EIF2B3: variants seen among roughly 807,000 people sequenced by gnomAD.
EIF2B3 encodes eukaryotic translation initiation factor 2B subunit gamma.
Under a neutral mutation model 54.1 loss-of-function variants are expected in EIF2B3, and 20 were observed. That is an observed-to-expected ratio of 0.37 (90% CI 0.26 to 0.54). The LOEUF (loss-of-function observed/expected upper bound fraction) is 0.54, where lower values mean the gene tolerates loss of function less well. EIF2B3 is among the 20% of genes least tolerant of loss of function. The pLI, the probability that EIF2B3 is intolerant of heterozygous loss-of-function variation, is 0.86. For missense variants in EIF2B3, 448 were observed against 547.8 expected (o/e 0.82, Z 1.82); for synonymous variants, 153 against 188.1 (o/e 0.81, Z 1.52).
intron 4 of EIF2B3, among the ~76,000 whole-genome samples, chr1:44,937,672 A>C (rs1246431466): frequency 6.6e-6 from 1 of 151,916 alleles, no homozygotes; most frequent in Non-Finnish European, 1.5e-5. Context: ...TCACGAGGTC[A>C]GGAGATCGAG....
chr1:44,866,202 G>A (rs530319578), intron 10 of EIF2B3, among the ~76,000 whole-genome samples: 14 of 152,134 alleles, frequency 9.2e-5, no homozygotes, highest in African/African-American at 2.9e-4. Flanking sequence ...TTTGAGACCA[G>A]CCTGGCCAGC....
chr1:44,958,056 A>G (rs1051906840), intron 3 of EIF2B3, among the ~76,000 whole-genome samples: 4 of 152,174 alleles, frequency 2.6e-5, no homozygotes, highest in African/African-American at 7.2e-5. Context: ...AAACCCAACC[A>G]TAGGAGTTGG....
intron 10 of EIF2B3, 112 bp from the exon 11 acceptor site, chr1:44,857,919 G>T: frequency 1.0e-6 from 1 of 964,542 alleles, no homozygotes; most frequent in Non-Finnish European, 1.7e-6. Flanking sequence ...GGGCAGTCCA[G>T]TTAATGGCTA....
intron 10 of EIF2B3, chr1:44,863,188 G>A (rs943399249): frequency 6.6e-6 from 1 of 152,166 alleles, no homozygotes; most frequent in Admixed American, 6.5e-5. Context: ...GAATGAAACT[G>A]AAGATATGTG....
intron 3 of EIF2B3, among the ~76,000 whole-genome samples, chr1:44,972,931 C>T (rs537341451): frequency 1.3e-5 from 2 of 152,282 alleles, no homozygotes; most frequent in East Asian, 3.9e-4. Context: ...GTTCCAGCTA[C>T]TCAGGAGGCT....
At chr1:44,871,931 C>T (rs1181780887) in intron 10 of EIF2B3, among the ~76,000 whole-genome samples, 2 of 142,726 alleles carry the variant, frequency 1.4e-5, no homozygotes, top group African/African-American at 5.3e-5. Flanking sequence ...GGCTGGAGTG[C>T]AGTGGCATGA....
chr1:44,883,523 G>C lies in EIF2B3; in HGVS notation c.657-1784C>G, dbSNP rs985228948. ...CACTGGGACCAGTGACCCCTCTGTGGCCCCCATCCAAAACTGGGCTCAGCA... is the reference window on the plus strand; with the variant it reads ...CACTGGGACCAGTGACCCCTCTGTGCCCCCCATCCAAAACTGGGCTCAGCA... On this transcript the variant is annotated intron_variant, in intron 6 of 11. Transcript: ENST00000360403. Among the ~76,000 whole-genome samples, 9 of 151,952 alleles carry C rather than the reference G, an allele frequency of 5.9e-5. No individual in the cohort carries two copies. The East Asian group carries it at 1.7e-3, about 29-fold the overall frequency.
chr1:44,881,527 C>T lies in EIF2B3; in HGVS notation c.784+85G>A. ...TAGTCTGCTGCCTTGAGTCAGGCAT[C>T]TTGGGCTGGGCTAAGCTGCCCAACC... is the stretch of plus-strand genomic sequence containing the variant. On this transcript the variant is annotated intron_variant, in intron 7 of 11. Transcript: ENST00000360403. The surrounding 1 kb of genome is among the most constrained non-coding windows in gnomAD (Gnocchi z 4.0). 1 of 1,568,204 alleles carries T rather than the reference C, an allele frequency of 6.4e-7. No homozygotes were observed. Among genetic ancestry groups the T allele is most frequent in the Non-Finnish European group, 8.7e-7 (1 of 1,144,706 alleles).
chr1:44,865,645 G>A (rs558859255), intron 10 of EIF2B3, among the ~76,000 whole-genome samples: 10 of 151,590 alleles, frequency 6.6e-5, no homozygotes, highest in South Asian at 2.1e-4. Flanking sequence ...GCAATGGCGC[G>A]AACTGGGCTC....
At chr1:44,884,874 T>G (rs1655524683) in intron 6 of EIF2B3, among the ~76,000 whole-genome samples, 1 of 152,158 alleles carries the variant, frequency 6.6e-6, no homozygotes, top group African/African-American at 2.4e-5. Flanking sequence ...GGATCCATGA[T>G]TTGAAGAGAG....
chr1:44,954,551 T>C (rs1644202187), intron 3 of EIF2B3, among the ~76,000 whole-genome samples: 1 of 152,230 alleles, frequency 6.6e-6, no homozygotes, highest in African/African-American at 2.4e-5. Context: ...ATAGGAATGC[T>C]TGTGATTTTT....
Position 44,874,667 on chromosome 1 carries a change from G to C in EIF2B3, c.1202+11C>G. The C allele has an allele frequency of 6.2e-7, 1 of 1,614,032 alleles. No individual in the cohort carries two copies. The highest frequency in any genetic ancestry group is 8.5e-7 in the Non-Finnish European group (1 of 1,179,952). Reference sequence around the variant, plus strand: ...TATCTTTGCCTCAAGTGGGTACAGGGGGAAACATACCCTTCCTCCACAGTG... The same window carrying C: ...TATCTTTGCCTCAAGTGGGTACAGGCGGAAACATACCCTTCCTCCACAGTG... On this transcript the variant is annotated intron_variant, in intron 10 of 11. Transcript: ENST00000360403.
intron 11 of EIF2B3, among the ~76,000 whole-genome samples, chr1:44,852,675 AG>A (rs1654311289): frequency 6.6e-6 from 1 of 150,674 alleles, no homozygotes; most frequent in African/African-American, 2.4e-5. Flanking sequence ...GCTACTCGGG[AG>A]GCTGAGGCAG....
At chr1:44,924,134 GT>G in intron 5 of EIF2B3, among the ~76,000 whole-genome samples, 1 of 151,828 alleles carries the variant, frequency 6.6e-6, no homozygotes, top group Non-Finnish European at 1.5e-5. Flanking sequence ...TAGAGACAGG[GT>G]TTCACCGTGT....
At chr1:44,901,571 T>C (rs1643306078) in intron 5 of EIF2B3, among the ~76,000 whole-genome samples, 1 of 147,958 alleles carries the variant, frequency 6.8e-6, no homozygotes, top group South Asian at 2.2e-4. Flanking sequence ...TTTTTTTTTT[T>C]TTCTTGAGAC....
intron 3 of EIF2B3, among the ~76,000 whole-genome samples, chr1:44,950,823 G>A (rs988111035): frequency 3.3e-5 from 5 of 152,212 alleles, no homozygotes; most frequent in Middle Eastern, 3.4e-3. Flanking sequence ...AGAGTAGCTA[G>A]GATTACAGGC....
At chr1:44,870,272 T>G (rs1654926189) in intron 10 of EIF2B3, among the ~76,000 whole-genome samples, 1 of 152,132 alleles carries the variant, frequency 6.6e-6, no homozygotes, top group African/African-American at 2.4e-5. Flanking sequence ...CCTCTTTTCC[T>G]AAGCTCTAAC....
At chr1:44,926,999 G>A (rs1643861975) in intron 4 of EIF2B3, among the ~76,000 whole-genome samples, 1 of 150,440 alleles carries the variant, frequency 6.6e-6, no homozygotes, top group Non-Finnish European at 1.5e-5. Context: ...GCCGAGTGTG[G>A]TGTTACGCCC....
intron 6 of EIF2B3, among the ~76,000 whole-genome samples, chr1:44,883,325 T>G (rs957590471): frequency 6.6e-6 from 1 of 152,070 alleles, no homozygotes; most frequent in Non-Finnish European, 1.5e-5. Flanking sequence ...GCGTACAAAT[T>G]TAGGATTACA....
Sources: gnomAD v4.1 joint callset for allele counts (sites outside exome capture counted in the v4.1 genomes callset) on GRCh38, gnomAD v4.1.1 for gene constraint, Gnocchi (gnomAD v3.1) non-coding constraint, MANE v1.5 for transcripts, NCBI Gene and HGNC (gene_info 2026-07-23, HGNC 2026-07-21) for gene names.